Variants in APBA1 observed in about 807,000 individuals in gnomAD.
APBA1 encodes amyloid-beta A4 precursor protein-binding family A member 1.
APBA1 carries 55 observed loss-of-function variants against 86.6 expected under a neutral mutation model. The observed-to-expected ratio is 0.64, with a 90% confidence interval of 0.51 to 0.80. The LOEUF is 0.80. Among genes scored for constraint, APBA1 ranks in the 30% least tolerant of loss-of-function variants. APBA1 has a pLI of 0.00. For synonymous variants in APBA1, 511 were observed against 493.9 expected, an observed-to-expected ratio of 1.03 and a Z score of -0.46; for missense variants, 1,090 against 1,183.0, an observed-to-expected ratio of 0.92 and a Z score of 1.15.
At chr9:69,447,235 G>A (rs772037180) in intron 10 of APBA1, among the ~76,000 whole-genome samples, 3 of 152,116 alleles carry the variant, frequency 2.0e-5, no homozygotes, top group African/African-American at 7.2e-5. Context: ...ATATGTATTT[G>A]GAGGGAACAC....
intron 2 of APBA1, among the ~76,000 whole-genome samples, chr9:69,481,813 G>A (rs1340469477): frequency 3.3e-5 from 5 of 151,882 alleles, no homozygotes; most frequent in Middle Eastern, 3.4e-3. Context: ...CAGAAATAAC[G>A]CCGCATGTCT....
In APBA1 at chr9:69,482,932, A is replaced by T. The variant is rs1053140210; in HGVS notation, c.1201-6789T>A. On this transcript the variant is annotated intron_variant, in intron 2 of 12. Transcript: ENST00000265381. ...GGAATTGAACAATGAGATCGCATGG[A>T]CACAGGAAGGGGAATATCACACTCT... 1.1e-4 allele frequency among the ~76,000 whole-genome samples: 15 copies of T among 133,594 alleles called. 1 individual carries two copies. The highest frequency in any genetic ancestry group is 2.0e-4 in the Non-Finnish European group (13 of 64,786). 87.6% of individuals were successfully genotyped at this position (133,594 alleles called of 152,430 possible).
At chr9:69,511,488 G>A (rs1836039420) in intron 2 of APBA1, among the ~76,000 whole-genome samples, 2 of 152,062 alleles carry the variant, frequency 1.3e-5, no homozygotes, top group South Asian at 4.1e-4. Context: ...CTGTAAACTA[G>A]TTCAACCATT....
At chr9:69,591,584 G>A (rs751747744) in intron 1 of APBA1, among the ~76,000 whole-genome samples, 1 of 152,278 alleles carries the variant, frequency 6.6e-6, no homozygotes, top group East Asian at 1.9e-4. Flanking sequence ...GGCAGGGCAC[G>A]AATCCTTCCT....
At chr9:69,460,050 T>TACTC (rs967668171) in intron 5 of APBA1, among the ~76,000 whole-genome samples, 1 of 152,208 alleles carries the variant, frequency 6.6e-6, no homozygotes, top group South Asian at 2.1e-4. Flanking sequence ...TATTCCTGGG[T>TACTC]ACTCACCTGG....
chr9:69,433,615 C>G (rs562413336), intron 11 of APBA1, among the ~76,000 whole-genome samples: 54 of 152,158 alleles, frequency 3.5e-4, no homozygotes, highest in African/African-American at 1.2e-3. Context: ...AGTACAAGTA[C>G]AAACCAATGA....
At chr9:69,469,092 C>T (rs1571850) in intron 4 of APBA1, among the ~76,000 whole-genome samples, 13,913 of 152,054 alleles carry the variant, frequency 0.092, 723 homozygotes, top group Admixed American at 0.14. Flanking sequence ...GACTCCTGGG[C>T]TCAAGCAATT....
At chr9:69,473,697 A>T (rs997585536) in intron 3 of APBA1, among the ~76,000 whole-genome samples, 80 of 152,222 alleles carry the variant, frequency 5.3e-4, no homozygotes, top group Non-Finnish European at 9.7e-4. Context: ...TAAAAAAATT[A>T]AAAAAAAGAT....
intron 10 of APBA1, among the ~76,000 whole-genome samples, chr9:69,448,660 T>A (rs1347161174): frequency 6.6e-6 from 1 of 151,850 alleles, no homozygotes; most frequent in African/African-American, 2.4e-5. Flanking sequence ...CACGAATTAA[T>A]CCCCTTCCTT....
At chr9:69,665,668 G>A (rs967601564) in intron 1 of APBA1, among the ~76,000 whole-genome samples, 4 of 152,196 alleles carry the variant, frequency 2.6e-5, no homozygotes, top group Admixed American at 1.3e-4. Flanking sequence ...AAACAAGGAA[G>A]AAGAAAAGAG....
At position 69,429,756 on chromosome 9, in the gene APBA1, T is replaced by C. The variant is rs1378255073; in HGVS notation, c.*1571A>G. On this transcript the variant is annotated 3_prime_UTR_variant, in exon 13 of 13. Coordinates refer to ENST00000265381, the MANE Select transcript of APBA1 (RefSeq NM_001163.4). ...TGCTACCCACCATTTGCTCACTGAG[T>C]TCCTATTTCCATAGACACAACATAA... The C allele has an allele frequency of 6.6e-6, 1 of 151,632 alleles. No homozygotes were observed. The highest frequency in any genetic ancestry group is 1.5e-5 in the Non-Finnish European group (1 of 67,944). 9.4% of individuals were successfully genotyped at this position (151,632 alleles called of 1,614,324 possible).
chr9:69,533,982 G>T (rs1180255301), intron 1 of APBA1, among the ~76,000 whole-genome samples: 1 of 152,072 alleles, frequency 6.6e-6, no homozygotes, highest in East Asian at 1.9e-4. Flanking sequence ...TTACAAAGAG[G>T]ACATGACATC....
chr9:69,431,160 AAG>A lies in APBA1; in HGVS notation c.*165_*166del. 24 of 502,026 alleles carry A rather than the reference AAG, an allele frequency of 4.8e-5. No homozygotes were observed. The highest frequency in any genetic ancestry group is 2.6e-4 in the South Asian group (7 of 26,754). 31.1% of individuals were successfully genotyped at this position (502,026 alleles called of 1,614,324 possible). A position where few individuals can be genotyped will look rare whatever the true frequency, so the allele number is the denominator to read the frequency against. On this transcript the variant is annotated 3_prime_UTR_variant, in exon 13 of 13. Transcript: ENST00000265381. Reference sequence around the variant, plus strand: ...GGTATTGAAAAAAAAAAAAAAAAAAAAGCAAATCGGAGAGAGTAAAGAGGTCC... The same window carrying A: ...GGTATTGAAAAAAAAAAAAAAAAAAACAAATCGGAGAGAGTAAAGAGGTCC...
At chr9:69,535,219 GC>G (rs907669575) in intron 1 of APBA1, among the ~76,000 whole-genome samples, 51 of 152,298 alleles carry the variant, frequency 3.3e-4, no homozygotes, top group African/African-American at 1.2e-3. Flanking sequence ...GGAATCACCT[GC>G]AGATTTTGTT....
chr9:69,619,198 G>A (rs921155746), intron 1 of APBA1, among the ~76,000 whole-genome samples: 4 of 152,022 alleles, frequency 2.6e-5, no homozygotes, highest in Admixed American at 2.6e-4. Flanking sequence ...GTGGAGAGAA[G>A]GAAACAGATA....
At chr9:69,573,287 G>A (rs1837145941) in intron 1 of APBA1, among the ~76,000 whole-genome samples, 1 of 151,542 alleles carries the variant, frequency 6.6e-6, no homozygotes, top group Non-Finnish European at 1.5e-5. Flanking sequence ...TTTGAGACCA[G>A]CCTGGGCAAC....
chr9:69,558,559 CACATATATAT>C (rs1836899338), intron 1 of APBA1, among the ~76,000 whole-genome samples: 1 of 137,462 alleles, frequency 7.3e-6, no homozygotes, highest in African/African-American at 2.9e-5. Flanking sequence ...CACACACACA[CACATATATAT>C]ATATATATAT....
chr9:69,502,038 C>A (rs1021691758), intron 2 of APBA1, among the ~76,000 whole-genome samples: 4 of 152,098 alleles, frequency 2.6e-5, no homozygotes, highest in African/African-American at 9.7e-5. Context: ...CACAGTTTCA[C>A]ATATATACTG....
intron 1 of APBA1, among the ~76,000 whole-genome samples, chr9:69,557,465 T>A (rs941095920): frequency 2.6e-5 from 4 of 152,348 alleles, no homozygotes; most frequent in African/African-American, 2.4e-5. Context: ...TCCATAAACC[T>A]AGCCTTAGGC....
Sources: gnomAD v4.1 joint callset for allele counts (sites outside exome capture counted in the v4.1 genomes callset) on GRCh38, gnomAD v4.1.1 for gene constraint, MANE v1.5 for transcripts, NCBI Gene and HGNC (gene_info 2026-07-23, HGNC 2026-07-21) for gene names.